The following BRD4 variants were observed in gnomAD, a reference collection of about 807,000 sequenced individuals.
BRD4 encodes bromodomain containing 4.
Under a neutral mutation model 142.1 loss-of-function variants are expected in BRD4, and 16 were observed. That is an observed-to-expected ratio of 0.11 (90% CI 0.08 to 0.17). BRD4 has a LOEUF of 0.17. Ranked by LOEUF, BRD4 falls within the 10% of genes least tolerant of loss-of-function variation. BRD4 has a pLI of 1.00. For synonymous variants in BRD4, 833 were observed against 707.5 expected (o/e 1.18, Z -2.82); for missense variants, 1,424 against 1,810.9 (o/e 0.79, Z 3.88).
At chr19:15,329,545 A>G (rs775473058) in intron 1 of BRD4, among the ~76,000 whole-genome samples, 4 of 151,920 alleles carry the variant, frequency 2.6e-5, no homozygotes, top group Non-Finnish European at 5.9e-5. Context: ...TCGAGACCAT[A>G]CTGGCCAATA....
At position 15,291,038 on chromosome 19, in the gene BRD4, A is replaced by T. The variant is rs187900904; in HGVS notation, c.-34-17905T>A. Among the ~76,000 whole-genome samples, 99 of 152,300 alleles carry T rather than the reference A, an allele frequency of 6.5e-4. 2 individuals are homozygous for T. The East Asian group carries it at 0.018, about 27-fold the overall frequency. On this transcript the variant is annotated intron_variant, in intron 1 of 19. Coordinates refer to ENST00000679869, the MANE Select transcript of BRD4 (RefSeq NM_001379291.1). The stretch of plus-strand genomic sequence containing the variant: ...CACTTCAGACCCTGCAAAACCCCCA[A>T]GTCAATGGGTTATGGTAACTGTGAC...
chr19:15,243,241 G>T lies in BRD4; in HGVS notation c.2828C>A (p.Pro943Gln), dbSNP rs753396296. ...QQLQKVQPPT[P>Q]LLPSVKVQSQ... ...CTGCACCTTCACGGAAGGGAGTAGC[G>T]GCGTAGGGGGCTGCACCTTCTGCAG... Residue 943 changes from proline to glutamine, a missense_variant, in exon 14 of 20, where the codon CCG (proline) becomes CAG (glutamine). By Grantham distance (76) the Pro-to-Gln change is moderately conservative. Transcript: ENST00000679869. The T allele has an allele frequency of 7.7e-6, 11 of 1,435,516 alleles. No individual in the cohort carries two copies. The highest frequency in any genetic ancestry group is 4.7e-4 in the Middle Eastern group (2 of 4,272). The allele number at this position is 1,435,516 out of a possible 1,614,324, so 88.9% of individuals were successfully genotyped here. A position where few individuals can be genotyped will look rare whatever the true frequency, so the allele number is the denominator to read the frequency against.
intron 1 of BRD4, among the ~76,000 whole-genome samples, chr19:15,286,913 C>T (rs2047744216): frequency 6.6e-6 from 1 of 152,208 alleles, no homozygotes; most frequent in African/African-American, 2.4e-5. Flanking sequence ...AGAGGTTTCA[C>T]TGGCTAGGAG....
intron 1 of BRD4, among the ~76,000 whole-genome samples, chr19:15,308,311 G>A (rs906981373): frequency 6.7e-6 from 1 of 149,700 alleles, no homozygotes; most frequent in Non-Finnish European, 1.5e-5. Context: ...TAGGTTGGCT[G>A]GGCGCGGTGG....
intron 4 of BRD4, among the ~76,000 whole-genome samples, chr19:15,267,074 G>A (rs948762837): frequency 1.3e-5 from 2 of 152,222 alleles, no homozygotes; most frequent in African/African-American, 4.8e-5. Context: ...TCATGTTAAT[G>A]TCCTTAAAAT....
At chr19:15,322,880 A>G (rs544870876) in intron 1 of BRD4, among the ~76,000 whole-genome samples, 24 of 147,800 alleles carry the variant, frequency 1.6e-4, no homozygotes, top group South Asian at 2.2e-4. Flanking sequence ...AAAAAAAAAA[A>G]AAAAGAAAAG....
intron 1 of BRD4, among the ~76,000 whole-genome samples, chr19:15,320,714 A>G (rs1401647532): frequency 2.0e-5 from 3 of 152,144 alleles, no homozygotes; most frequent in East Asian, 3.9e-4. Context: ...CTTCTCCCAG[A>G]GCTCCTTCTA....
chr19:15,250,956 C>T (rs923425514), intron 11 of BRD4, among the ~76,000 whole-genome samples: 5 of 152,152 alleles, frequency 3.3e-5, no homozygotes, highest in African/African-American at 1.2e-4. Context: ...TGTGCCCTAC[C>T]CCTGCCTGTC....
At chr19:15,310,414 G>A (rs1209659152) in intron 1 of BRD4, among the ~76,000 whole-genome samples, 2 of 131,268 alleles carry the variant, frequency 1.5e-5, no homozygotes. Flanking sequence ...AGGCTGGAGT[G>A]CAGTGGCGCG....
At chr19:15,329,471 T>C (rs1220344548) in intron 1 of BRD4, among the ~76,000 whole-genome samples, 5 of 152,200 alleles carry the variant, frequency 3.3e-5, no homozygotes, top group Admixed American at 2.6e-4. Flanking sequence ...CCGGGCGCAG[T>C]GGCTCATGCC....
intron 1 of BRD4, 61 bp downstream of exon 1, chr19:15,332,229 G>C (rs1056325078): frequency 6.8e-6 from 1 of 147,580 alleles, no homozygotes; most frequent in African/African-American, 2.5e-5. Flanking sequence ...CGCGGACCGC[G>C]CCGCGAGCCT....
At chr19:15,251,348 C>A (rs937817454) in intron 11 of BRD4, among the ~76,000 whole-genome samples, 5 of 147,220 alleles carry the variant, frequency 3.4e-5, no homozygotes, top group African/African-American at 1.3e-4. Context: ...TGTCTCAGGG[C>A]CGTTGTCAGC....
At position 15,239,079 on chromosome 19, in the gene BRD4, C is replaced by A. The variant is rs775717426; in HGVS notation, c.3762G>T (p.Arg1254=). The part of the protein sequence containing the change: ...QAEHAEKEKE[R]LRQERMRSRE... ...CCCACCTCATGCGCTCCTGCCGCAG[C>A]CGCTCCTTCTCCTTCTCAGCGTGCT... is the stretch of plus-strand genomic sequence containing the variant. Residue 1254 remains arginine (R), a synonymous_variant, in exon 18 of 20, where the codon CGG becomes CGT. Coordinates refer to ENST00000679869, the MANE Select transcript of BRD4 (RefSeq NM_001379291.1). This position sits in a 1 kb window ranked among gnomAD's most constrained non-coding sequence, Gnocchi z 7.4. 6.2e-7 allele frequency: 1 copy of A among 1,600,020 alleles called. No homozygotes were observed.
intron 2 of BRD4, among the ~76,000 whole-genome samples, chr19:15,270,781 T>C (rs1223310328): frequency 6.6e-6 from 1 of 152,098 alleles, no homozygotes; most frequent in Non-Finnish European, 1.5e-5. Context: ...AGAATACAGA[T>C]TTAGCATGAT....
At chr19:15,295,600 A>G (rs2047816424) in intron 1 of BRD4, among the ~76,000 whole-genome samples, 1 of 152,190 alleles carries the variant, frequency 6.6e-6, no homozygotes, top group South Asian at 2.1e-4. Context: ...TTTCAATCAT[A>G]CTTCAAGTCC....
At position 15,248,357 on chromosome 19, in the gene BRD4, G is replaced by C. The variant is rs537054104; in HGVS notation, c.2159-3595C>G. 246 of 215,720 alleles carry C rather than the reference G, an allele frequency of 1.1e-3. No homozygotes were observed. The highest frequency in any genetic ancestry group is 5.3e-3 in the African/African-American group (235 of 44,408). The allele number at this position is 215,720 out of a possible 1,614,324, so 13.4% of individuals were successfully genotyped here. A position where few individuals can be genotyped will look rare whatever the true frequency, so the allele number is the denominator to read the frequency against. On this transcript the variant is annotated intron_variant, in intron 11 of 19. Transcript: ENST00000679869. ...GTTAACACCAGTCAGAGGTGTCCAT[G>C]GGGCAGTCCCTGAGGGTCTGTGACA...
At chr19:15,245,810 C>T (rs1046527900) in intron 11 of BRD4, among the ~76,000 whole-genome samples, 6 of 152,238 alleles carry the variant, frequency 3.9e-5, no homozygotes, top group Non-Finnish European at 8.8e-5. Context: ...AGAAGCACCT[C>T]ATGGCACTGC....
chr19:15,322,867 C>CA (rs71333367), intron 1 of BRD4, among the ~76,000 whole-genome samples: 15,223 of 65,312 alleles, frequency 0.23, 1,401 homozygotes, highest in African/African-American at 0.26. Flanking sequence ...ACTCTGTCTC[C>CA]AAAAAAAAAA....
intron 4 of BRD4, among the ~76,000 whole-genome samples, chr19:15,266,743 G>A (rs2047538122): frequency 6.6e-6 from 1 of 152,226 alleles, no homozygotes; most frequent in African/African-American, 2.4e-5. Flanking sequence ...GCTGCTCAGA[G>A]AAGCAAACAA....
Sources: gnomAD v4.1 joint callset for allele counts (sites outside exome capture counted in the v4.1 genomes callset) on GRCh38, gnomAD v4.1.1 for gene constraint, Gnocchi (gnomAD v3.1) non-coding constraint, MANE v1.5 for transcripts, NCBI Gene and HGNC (gene_info 2026-07-23, HGNC 2026-07-21) for gene names.